VPS53: variants seen among roughly 807,000 people sequenced by gnomAD.
The protein encoded by VPS53 is VPS53 subunit of GARP complex.
In VPS53, 70 loss-of-function variants were observed where a neutral mutation model predicts 107.0. The observed-to-expected ratio is 0.65, with a 90% CI of 0.54 to 0.80. VPS53 has a LOEUF of 0.80. VPS53 is among the 30% of genes least tolerant of loss of function. The pLI, the probability that VPS53 is intolerant of heterozygous loss-of-function variation, is 0.00. For synonymous variants in VPS53, 409 were observed against 393.3 expected, an observed-to-expected ratio of 1.04 and a Z score of -0.47; for missense variants, 917 against 1,049.4, an observed-to-expected ratio of 0.87 and a Z score of 1.74.
In VPS53 at chr17:521,779, G is replaced by A. The variant is rs201645534; in HGVS notation, c.2086-41C>T. ...GAGAGCATTACCGGCCCCTTCCAGC[G>A]ACCCAGTGCCGAGTGGACTCATGCC... On this transcript the variant is annotated intron_variant, in intron 19 of 21. Transcript: ENST00000437048. 437 of 1,449,524 alleles carry A rather than the reference G, an allele frequency of 3.0e-4. 1 individual carries two copies. The highest frequency in any genetic ancestry group is 3.8e-4 in the Non-Finnish European group (411 of 1,083,930). 89.8% of individuals were successfully genotyped at this position (1,449,524 alleles called of 1,614,324 possible). A position where few individuals can be genotyped will look rare whatever the true frequency, so the allele number is the denominator to read the frequency against.
At chr17:650,834 G>A (rs1970915106) in intron 7 of VPS53, among the ~76,000 whole-genome samples, 1 of 152,188 alleles carries the variant, frequency 6.6e-6, no homozygotes. Flanking sequence ...ATAATCTGTG[G>A]TATGTCACGC....
intron 12 of VPS53, among the ~76,000 whole-genome samples, chr17:595,785 T>A (rs901353795): frequency 8.3e-6 from 1 of 120,926 alleles, no homozygotes; most frequent in Non-Finnish European, 1.7e-5. Flanking sequence ...TGGGAAGGGG[T>A]CTGGATCAAT....
intron 15 of VPS53, among the ~76,000 whole-genome samples, chr17:553,787 C>T (rs1912091985): frequency 6.6e-6 from 1 of 152,146 alleles, no homozygotes; most frequent in African/African-American, 2.4e-5. Flanking sequence ...TCAGGCCGGT[C>T]TCAAACTCCC....
At chr17:641,783 G>A (rs111613918) in intron 7 of VPS53, among the ~76,000 whole-genome samples, 11 of 152,296 alleles carry the variant, frequency 7.2e-5, no homozygotes, top group Admixed American at 1.3e-4. Flanking sequence ...GTGAAAGTCC[G>A]CCTACAACTC....
intron 11 of VPS53, among the ~76,000 whole-genome samples, chr17:618,976 G>A (rs941982013): frequency 2.7e-5 from 4 of 146,372 alleles, no homozygotes; most frequent in Middle Eastern, 3.8e-3. Context: ...GGGACTACAC[G>A]TGTGCACCAC....
chr17:596,281 G>T (rs1967970670), intron 12 of VPS53, among the ~76,000 whole-genome samples: 1 of 152,188 alleles, frequency 6.6e-6, no homozygotes, highest in South Asian at 2.1e-4. Flanking sequence ...TAAGTGTGAA[G>T]AGCTCATCTC....
chr17:571,307 G>A (rs1221295144), intron 13 of VPS53, among the ~76,000 whole-genome samples: 2 of 151,948 alleles, frequency 1.3e-5, no homozygotes, highest in East Asian at 1.9e-4. Flanking sequence ...AAAGAAGGAA[G>A]AGAAAAAAGA....
At chr17:572,503 C>T (rs1276385226) in intron 13 of VPS53, among the ~76,000 whole-genome samples, 1 of 151,494 alleles carries the variant, frequency 6.6e-6, no homozygotes, top group Non-Finnish European at 1.5e-5. Context: ...TGAGGAGCCC[C>T]TCTGCCCAGC....
At chr17:599,806 T>C (rs1968245002) in intron 12 of VPS53, 1 of 152,428 alleles carries the variant, frequency 6.6e-6, no homozygotes. Context: ...ATAAAACTGC[T>C]CTGATCGCAG....
chr17:568,595 T>C (rs1006277585), intron 13 of VPS53, among the ~76,000 whole-genome samples: 2 of 152,216 alleles, frequency 1.3e-5, no homozygotes, highest in African/African-American at 4.8e-5. Flanking sequence ...CATCCCTTCC[T>C]CTTCCTTTTT....
At chr17:686,027 G>A (rs866019437) in intron 4 of VPS53, among the ~76,000 whole-genome samples, 2 of 151,214 alleles carry the variant, frequency 1.3e-5, no homozygotes, top group Non-Finnish European at 3.0e-5. Flanking sequence ...AACAGAGAGA[G>A]AAGAGAATTG....
At position 515,776 on chromosome 17, in the gene VPS53, G is replaced by T. The variant is rs1026451495; in HGVS notation, c.*3352C>A. 2.0e-5 allele frequency: 3 copies of T among 151,530 alleles called. No homozygotes were observed. The highest frequency in any genetic ancestry group is 7.3e-5 in the African/African-American group (3 of 41,212). The allele number at this position is 151,530 out of a possible 1,614,324, so 9.4% of individuals were successfully genotyped here. A position where few individuals can be genotyped will look rare whatever the true frequency, so the allele number is the denominator to read the frequency against. ...ATCAGTATGGAGAGAGCCCAATCCT[G>T]GGCATGGTCCCCACCACCACCAAAA... On this transcript the variant is annotated 3_prime_UTR_variant, in exon 22 of 22. Transcript: ENST00000437048.
intron 14 of VPS53, among the ~76,000 whole-genome samples, chr17:560,909 C>T (rs560151423): frequency 5.3e-4 from 81 of 152,306 alleles, no homozygotes; most frequent in African/African-American, 1.8e-3. Context: ...GTGTGGAGCA[C>T]GAAAGATGGT....
At chr17:612,094 C>T (rs1968908248) in intron 11 of VPS53, among the ~76,000 whole-genome samples, 1 of 151,212 alleles carries the variant, frequency 6.6e-6, no homozygotes, top group Non-Finnish European at 1.5e-5. Flanking sequence ...TGAGTTCACA[C>T]AGTGAAAACC....
chr17:699,450 A>T, intron 2 of VPS53, 70 bp from the exon 3 acceptor site: 1 of 1,261,694 alleles, frequency 7.9e-7, no homozygotes, highest in Non-Finnish European at 1.1e-6. Flanking sequence ...CAGGAAAATG[A>T]TGTGCTATAA....
intron 4 of VPS53, among the ~76,000 whole-genome samples, chr17:690,295 G>A (rs1175627975): frequency 6.6e-6 from 1 of 152,228 alleles, no homozygotes; most frequent in Non-Finnish European, 1.5e-5. Context: ...AACAGAGGTG[G>A]AGAAAGTTTA....
At chr17:657,565 A>G in intron 5 of VPS53, 1 of 984,000 alleles carries the variant, frequency 1.0e-6, no homozygotes, top group Non-Finnish European at 1.6e-6. Context: ...TTAGGCAAGG[A>G]AAAGAGGACC....
intron 11 of VPS53, among the ~76,000 whole-genome samples, chr17:615,242 C>T (rs1275956897): frequency 6.6e-6 from 1 of 152,228 alleles, no homozygotes; most frequent in Non-Finnish European, 1.5e-5. Context: ...CAGCACAGGA[C>T]ATCGTGAAAC....
At chr17:622,343 A>T (rs1969503524) in intron 11 of VPS53, among the ~76,000 whole-genome samples, 1 of 151,926 alleles carries the variant, frequency 6.6e-6, no homozygotes, top group Non-Finnish European at 1.5e-5. Context: ...TGGTCCAAGG[A>T]TTTTGCTACT....
Sources: allele counts gnomAD v4.1 joint callset (sites outside exome capture counted in the v4.1 genomes callset), GRCh38; gene constraint gnomAD v4.1.1; transcripts MANE v1.5; gene names NCBI Gene and HGNC (gene_info 2026-07-23, HGNC 2026-07-21).